ITPR1: variants seen among roughly 807,000 people sequenced by gnomAD.
ITPR1 encodes the protein inositol 1,4,5-trisphosphate-gated calcium channel ITPR1.
ITPR1 carries 96 observed loss-of-function variants against 318.4 expected under a neutral mutation model. The ratio of observed to expected loss-of-function variants is 0.30; its 90% CI spans 0.26 to 0.36. The LOEUF (loss-of-function observed/expected upper bound fraction) is 0.36, where lower values mean the gene tolerates loss of function less well. Among genes scored for constraint, ITPR1 ranks in the 10% least tolerant of loss-of-function variants. The pLI is 1.00. For synonymous variants in ITPR1, 1,312 were observed against 1,289.9 expected (o/e 1.02, Z -0.37); for missense variants, 2,440 against 3,460.2 (o/e 0.71, Z 7.40).
intron 36 of ITPR1, among the ~76,000 whole-genome samples, chr3:4,704,783 C>T (rs1489557436): frequency 6.6e-6 from 1 of 151,790 alleles, no homozygotes; most frequent in Non-Finnish European, 1.5e-5. Flanking sequence ...AACAGCACTA[C>T]CCAGAGTCCC....
chr3:4,838,497 A>G (rs1047800022), intron 61 of ITPR1, among the ~76,000 whole-genome samples: 1 of 152,150 alleles, frequency 6.6e-6, no homozygotes, highest in Non-Finnish European at 1.5e-5. Flanking sequence ...CATTTGAGAT[A>G]ACTGTGGCTA....
At chr3:4,839,133 GC>G (rs1307901647) in intron 61 of ITPR1, among the ~76,000 whole-genome samples, 1 of 152,188 alleles carries the variant, frequency 6.6e-6, no homozygotes, top group East Asian at 1.9e-4. Context: ...TTCGAGACCA[GC>G]CTGACCAACA....
At chr3:4,627,726 C>G (rs2125129144) in intron 4 of ITPR1, 37 bp from the exon 5 acceptor site, 2 of 1,339,814 alleles carry the variant, frequency 1.5e-6, no homozygotes, top group Non-Finnish European at 2.1e-6. Context: ...TCTATACACC[C>G]TCAATGGCAA....
intron 61 of ITPR1, among the ~76,000 whole-genome samples, chr3:4,843,609 C>G (rs1207602556): frequency 1.3e-5 from 2 of 152,184 alleles, no homozygotes; most frequent in Admixed American, 1.3e-4. Context: ...GAGAACCATT[C>G]TTCTAGAGAA....
intron 61 of ITPR1, among the ~76,000 whole-genome samples, chr3:4,840,649 TG>T (rs2051277004): frequency 6.6e-6 from 1 of 152,210 alleles, no homozygotes; most frequent in African/African-American, 2.4e-5. Flanking sequence ...TTATGGTTAG[TG>T]GTGTCACTTT....
intron 4 of ITPR1, among the ~76,000 whole-genome samples, chr3:4,592,555 G>A (rs539812603): frequency 7.2e-5 from 11 of 152,132 alleles, no homozygotes; most frequent in South Asian, 2.1e-4. Flanking sequence ...GCTGGAGCTC[G>A]GTGGTTGAAG....
intron 60 of ITPR1, among the ~76,000 whole-genome samples, chr3:4,819,473 C>T (rs564711106): frequency 4.6e-5 from 7 of 152,284 alleles, no homozygotes; most frequent in Non-Finnish European, 8.8e-5. Flanking sequence ...CAGGAGATGC[C>T]GAAGCTGCTG....
intron 56 of ITPR1, among the ~76,000 whole-genome samples, chr3:4,812,792 C>T (rs1013404331): frequency 7.2e-5 from 11 of 152,320 alleles, no homozygotes; most frequent in African/African-American, 2.6e-4. Flanking sequence ...CCTTGGATTT[C>T]TATTAATGCC....
chr3:4,608,201 A>T (rs1328087059), intron 4 of ITPR1, among the ~76,000 whole-genome samples: 2 of 152,078 alleles, frequency 1.3e-5, no homozygotes, highest in East Asian at 3.9e-4. Flanking sequence ...GGCAATTATG[A>T]TTTACTCCGA....
chr3:4,628,379 TTG>T (rs1224642839), intron 5 of ITPR1, among the ~76,000 whole-genome samples: 1 of 152,196 alleles, frequency 6.6e-6, no homozygotes, highest in East Asian at 1.9e-4. Context: ...ATTGTATCTG[TTG>T]TGTTATCTGG....
chr3:4,518,960 C>T (rs1005079337), intron 3 of ITPR1, among the ~76,000 whole-genome samples: 4 of 152,154 alleles, frequency 2.6e-5, no homozygotes, highest in Admixed American at 6.6e-5. Context: ...CCTCATCCTA[C>T]AGCACAGCTT....
chr3:4,669,935 G>A lies in ITPR1; in HGVS notation c.2006+162G>A, dbSNP rs78163413. Among the ~76,000 whole-genome samples, 8,295 of 152,186 alleles carry A rather than the reference G, an allele frequency of 0.055. 330 individuals are homozygous for A. The highest frequency in any genetic ancestry group is 0.11 in the East Asian group (594 of 5,184). On this transcript the variant is annotated intron_variant, in intron 19 of 61. Coordinates refer to ENST00000649015, the MANE Select transcript of ITPR1 (RefSeq NM_001378452.1). ...AAAAGTCTTGATTAGGAGAATTCCC[G>A]AATTTGATTTTGGTGTCACCTCCTC...
At chr3:4,511,986 G>A (rs2081863993) in intron 2 of ITPR1, among the ~76,000 whole-genome samples, 2 of 152,036 alleles carry the variant, frequency 1.3e-5, no homozygotes, top group Admixed American at 1.3e-4. Context: ...GGGGACAGGA[G>A]TAATTGTTTT....
chr3:4,675,632 G>C (rs949139703), intron 23 of ITPR1, among the ~76,000 whole-genome samples: 8 of 151,940 alleles, frequency 5.3e-5, no homozygotes, highest in African/African-American at 1.9e-4. Flanking sequence ...CTTGACATTC[G>C]TGAGACCCTT....
chr3:4,513,080 C>T (rs1418417215), intron 2 of ITPR1, among the ~76,000 whole-genome samples: 1 of 152,146 alleles, frequency 6.6e-6, no homozygotes, highest in African/African-American at 2.4e-5. Flanking sequence ...AGTGCAGCTG[C>T]TAGAAGTTCA....
intron 10 of ITPR1, among the ~76,000 whole-genome samples, chr3:4,647,249 C>T (rs1268246918): frequency 2.0e-5 from 3 of 152,098 alleles, no homozygotes; most frequent in African/African-American, 7.2e-5. Context: ...TATATTACTG[C>T]ATAATACTCC....
intron 4 of ITPR1, among the ~76,000 whole-genome samples, chr3:4,622,947 G>A (rs975857205): frequency 3.3e-5 from 5 of 152,226 alleles, no homozygotes; most frequent in Non-Finnish European, 5.9e-5. Flanking sequence ...CAGTCTAGTG[G>A]TGAAAGTTCT....
At chr3:4,568,355 G>T (rs987668951) in intron 4 of ITPR1, among the ~76,000 whole-genome samples, 6 of 152,174 alleles carry the variant, frequency 3.9e-5, no homozygotes, top group African/African-American at 1.4e-4. Context: ...TCTCCCCTTT[G>T]CTCACTCCAC....
At chr3:4,785,724 GA>G (rs1403451302) in intron 51 of ITPR1, among the ~76,000 whole-genome samples, 1 of 152,224 alleles carries the variant, frequency 6.6e-6, no homozygotes, top group Non-Finnish European at 1.5e-5. Flanking sequence ...ACTCACTGGG[GA>G]GAAGACTGAA....
Sources: allele counts gnomAD v4.1 joint callset (sites outside exome capture counted in the v4.1 genomes callset), GRCh38; gene constraint gnomAD v4.1.1; transcripts MANE v1.5; gene names NCBI Gene and HGNC (gene_info 2026-07-23, HGNC 2026-07-21).